Variants in GPHN observed in about 807,000 individuals in gnomAD.
The protein encoded by GPHN is gephyrin.
In GPHN, 17 loss-of-function variants were observed where a neutral mutation model predicts 95.5. That is an observed-to-expected ratio of 0.18 (90% CI 0.12 to 0.27). The LOEUF is 0.27. Among genes scored for constraint, GPHN ranks in the 10% least tolerant of loss-of-function variants. GPHN has a pLI of 1.00. For synonymous variants in GPHN, 320 were observed against 322.5 expected, an observed-to-expected ratio of 0.99 and a Z score of 0.08; for missense variants, 660 against 978.1, an observed-to-expected ratio of 0.67 and a Z score of 4.34.
chr14:67,192,991 T>C, the GPHN span, among the ~76,000 whole-genome samples: 1 of 146,540 alleles, frequency 6.8e-6, no homozygotes, highest in African/African-American at 2.5e-5. Flanking sequence ...GATCTCTCTA[T>C]ATATCTCTAT....
At chr14:66,692,994 A>G (rs1195544908) in intron 2 of GPHN, among the ~76,000 whole-genome samples, 4 of 152,012 alleles carry the variant, frequency 2.6e-5, no homozygotes, top group South Asian at 2.1e-4. Context: ...ACATCTATTG[A>G]TATTTACTAT....
chr14:66,584,873 G>C (rs2061356195), intron 1 of GPHN, among the ~76,000 whole-genome samples: 1 of 152,130 alleles, frequency 6.6e-6, no homozygotes, highest in Admixed American at 6.6e-5. Context: ...TCTCTGCCCG[G>C]CTTTGGTATC....
At chr14:67,331,916 A>G in the GPHN span, among the ~76,000 whole-genome samples, 1 of 152,142 alleles carries the variant, frequency 6.6e-6, no homozygotes, top group East Asian at 1.9e-4. Context: ...CCATATTCAG[A>G]TGTACAACAT....
chr14:66,732,471 G>A (rs755583516), intron 2 of GPHN, among the ~76,000 whole-genome samples: 26 of 152,196 alleles, frequency 1.7e-4, no homozygotes, highest in Non-Finnish European at 1.3e-4. Context: ...ATTTAGAATC[G>A]GTGTAGTTAC....
At chr14:66,570,025 G>A (rs1244580277) in intron 1 of GPHN, among the ~76,000 whole-genome samples, 4 of 143,532 alleles carry the variant, frequency 2.8e-5, no homozygotes, top group Admixed American at 2.1e-4. Context: ...TTTCCCATGA[G>A]TGAAATAATA....
chr14:67,116,302 A>C (rs902568264), intron 16 of GPHN, among the ~76,000 whole-genome samples: 1 of 151,050 alleles, frequency 6.6e-6, no homozygotes, highest in Non-Finnish European at 1.5e-5. Flanking sequence ...AGAAAAAGAA[A>C]GAAAGAAAGA....
At chr14:67,297,636 C>T in the GPHN span, among the ~76,000 whole-genome samples, 4 of 151,952 alleles carry the variant, frequency 2.6e-5, no homozygotes, top group African/African-American at 7.3e-5. Context: ...TGTAATTGTC[C>T]AGATGTAAGA....
At chr14:66,872,992 TG>T (rs1385241609) in intron 4 of GPHN, among the ~76,000 whole-genome samples, 1 of 151,770 alleles carries the variant, frequency 6.6e-6, no homozygotes, top group African/African-American at 2.4e-5. Flanking sequence ...TTGGGCAAGA[TG>T]GCCAAATAGG....
chr14:67,089,742 A>G (rs1366137466), intron 12 of GPHN, among the ~76,000 whole-genome samples: 1 of 152,148 alleles, frequency 6.6e-6, no homozygotes, highest in Non-Finnish European at 1.5e-5. Context: ...GGAAACCTCT[A>G]ATTCTCTAGA....
intron 1 of GPHN, among the ~76,000 whole-genome samples, chr14:66,573,407 A>G (rs2060775600): frequency 6.8e-6 from 1 of 147,358 alleles, no homozygotes; most frequent in African/African-American, 2.5e-5. Context: ...TACAATTGTT[A>G]TATTTTCTTG....
chr14:67,333,028 T>A, the GPHN span: 1 of 1,328,092 alleles, frequency 7.5e-7, no homozygotes, highest in Admixed American at 2.0e-5. Flanking sequence ...TGCCCGACAC[T>A]GCAGCAAGAT....
At chr14:67,572,296 G>A in the GPHN span, 99 of 1,572,202 alleles carry the variant, frequency 6.3e-5, no homozygotes, top group Non-Finnish European at 7.6e-5. Flanking sequence ...GGAAACGGGC[G>A]GGGGCAGGGT....
At chr14:67,174,541 A>G (rs573846762) in intron 21 of GPHN, among the ~76,000 whole-genome samples, 1 of 152,296 alleles carries the variant, frequency 6.6e-6, no homozygotes, top group South Asian at 2.1e-4. Context: ...CGATAAACAT[A>G]CATGTGCATG....
chr14:67,625,064 C>G, the GPHN span, among the ~76,000 whole-genome samples: 1 of 152,004 alleles, frequency 6.6e-6, no homozygotes, highest in Non-Finnish European at 1.5e-5. Context: ...CTAAAATTGT[C>G]CATTCACAAG....
chr14:67,359,794 C>A, the GPHN span: 1 of 1,434,330 alleles, frequency 7.0e-7, no homozygotes, highest in South Asian at 1.2e-5. Flanking sequence ...CTACGGGAGT[C>A]AGCTGGTTGT....
intron 2 of GPHN, among the ~76,000 whole-genome samples, chr14:66,683,875 G>T (rs2067164005): frequency 6.6e-6 from 1 of 151,338 alleles, no homozygotes; most frequent in Admixed American, 6.6e-5. Context: ...TACTCAGGAG[G>T]CCAAGGCAGG....
chr14:66,551,406 T>A (rs2059806925), intron 1 of GPHN, among the ~76,000 whole-genome samples: 1 of 152,326 alleles, frequency 6.6e-6, no homozygotes, highest in East Asian at 1.9e-4. Context: ...ATATCTGTGT[T>A]TTTTGTAGTT....
chr14:67,675,001 G>A, the GPHN span, among the ~76,000 whole-genome samples: 1 of 152,216 alleles, frequency 6.6e-6, no homozygotes, highest in South Asian at 2.1e-4. Flanking sequence ...CCCGCGCGGC[G>A]ACAGCGGGCT....
the GPHN span, chr14:67,615,120 C>T: frequency 6.6e-6 from 1 of 152,184 alleles, no homozygotes; most frequent in Non-Finnish European, 1.5e-5. Context: ...GATCCTCCTA[C>T]AAAGGAAGAA....
Sources: gnomAD v4.1 joint callset for allele counts (sites outside exome capture counted in the v4.1 genomes callset) on GRCh38, gnomAD v4.1.1 for gene constraint, MANE v1.5 for transcripts, NCBI Gene and HGNC (gene_info 2026-07-23, HGNC 2026-07-21) for gene names.